TASP1: variants seen among roughly 807,000 people sequenced by gnomAD.
The protein encoded by TASP1 is threonine aspartase 1.
In TASP1, 16 loss-of-function variants were observed where a neutral mutation model predicts 56.6. The observed-to-expected ratio is 0.28, with a 90% confidence interval of 0.19 to 0.43. The LOEUF (loss-of-function observed/expected upper bound fraction) is 0.43, where lower values mean the gene tolerates loss of function less well. Ranked by LOEUF, TASP1 falls within the 20% of genes least tolerant of loss-of-function variation. TASP1 has a pLI of 1.00. For missense variants in TASP1, 393 were observed against 511.6 expected, an observed-to-expected ratio of 0.77 and a Z score of 2.24; for synonymous variants, 179 against 184.2, an observed-to-expected ratio of 0.97 and a Z score of 0.23.
intron 11 of TASP1, among the ~76,000 whole-genome samples, chr20:13,481,393 A>G (rs968794860): frequency 1.3e-5 from 2 of 152,100 alleles, no homozygotes; most frequent in Non-Finnish European, 2.9e-5. Context: ...GGGAGTGCAA[A>G]TATCTCTTCA....
At chr20:13,124,433 G>A in the TASP1 span, among the ~76,000 whole-genome samples, 564 of 151,908 alleles carry the variant, frequency 3.7e-3, 7 homozygotes, top group African/African-American at 0.012. Flanking sequence ...TAAAGAATTT[G>A]AAATGAAAAG....
the TASP1 span, among the ~76,000 whole-genome samples, chr20:13,361,037 G>A: frequency 5.3e-5 from 8 of 151,564 alleles, no homozygotes; most frequent in South Asian, 4.2e-4. Context: ...CCTTTCCATC[G>A]TGGAAATCTA....
chr20:13,494,159 T>A (rs1257797107), intron 10 of TASP1, among the ~76,000 whole-genome samples: 3 of 152,238 alleles, frequency 2.0e-5, no homozygotes, highest in Non-Finnish European at 4.4e-5. Flanking sequence ...ATCTTCTATC[T>A]GGATTCCTGT....
the TASP1 span, chr20:13,126,482 G>A: frequency 7.8e-7 from 1 of 1,275,536 alleles, no homozygotes; most frequent in Admixed American, 2.5e-5. Context: ...TTTTGAGCAT[G>A]AGATCAAATG....
chr20:13,581,280 TA>T (rs1183405519), intron 5 of TASP1, among the ~76,000 whole-genome samples: 1 of 152,208 alleles, frequency 6.6e-6, no homozygotes, highest in African/African-American at 2.4e-5. Flanking sequence ...GGTTCCTTTT[TA>T]ATAGATTTCA....
intron 10 of TASP1, among the ~76,000 whole-genome samples, chr20:13,499,483 AAG>A (rs1266778766): frequency 1.3e-5 from 2 of 151,908 alleles, no homozygotes; most frequent in Non-Finnish European, 2.9e-5. Flanking sequence ...AAAAGAAAGA[AAG>A]AGAAAAGAAA....
the TASP1 span, among the ~76,000 whole-genome samples, chr20:13,281,740 T>A: frequency 6.6e-6 from 1 of 152,164 alleles, no homozygotes. Context: ...TCAGCGCCAC[T>A]GAGTGAGAGA....
At chr20:13,241,631 T>C in the TASP1 span, among the ~76,000 whole-genome samples, 136 of 152,106 alleles carry the variant, frequency 8.9e-4, 1 homozygote, top group African/African-American at 3.2e-3. Flanking sequence ...ATCAGTGAAA[T>C]ATGAAGTGAG....
intron 11 of TASP1, among the ~76,000 whole-genome samples, chr20:13,439,533 C>T (rs1371252075): frequency 6.6e-6 from 1 of 152,090 alleles, no homozygotes; most frequent in East Asian, 1.9e-4. Context: ...GGAGGGATAG[C>T]ATTTGGAGAT....
At chr20:13,285,323 A>AT in the TASP1 span, among the ~76,000 whole-genome samples, 3 of 151,848 alleles carry the variant, frequency 2.0e-5, no homozygotes, top group Non-Finnish European at 4.4e-5. Flanking sequence ...GGAAAAAAAA[A>AT]GCCAACCGCA....
At chr20:13,164,843 G>T in the TASP1 span, 1 of 1,613,464 alleles carries the variant, frequency 6.2e-7, no homozygotes, top group Non-Finnish European at 8.5e-7. Context: ...TCTATGATGA[G>T]ACGAGCTTTG....
chr20:13,345,895 C>T, the TASP1 span, among the ~76,000 whole-genome samples: 1 of 133,888 alleles, frequency 7.5e-6, no homozygotes, highest in Non-Finnish European at 1.6e-5. Flanking sequence ...GGTGATAACA[C>T]TTAGCTTCCT....
the TASP1 span, among the ~76,000 whole-genome samples, chr20:13,311,865 A>G: frequency 6.6e-6 from 1 of 152,206 alleles, no homozygotes; most frequent in African/African-American, 2.4e-5. Flanking sequence ...CTGGAGATTT[A>G]TTGTACAGCA....
intron 10 of TASP1, among the ~76,000 whole-genome samples, chr20:13,515,380 A>T (rs1313179615): frequency 6.6e-6 from 1 of 151,994 alleles, no homozygotes; most frequent in Non-Finnish European, 1.5e-5. Context: ...GTTGCACAGC[A>T]CCACTTTGTC....
chr20:13,396,461 G>A (rs766978752), intron 13 of TASP1, among the ~76,000 whole-genome samples: 1 of 152,248 alleles, frequency 6.6e-6, no homozygotes, highest in Non-Finnish European at 1.5e-5. Context: ...GAAAAGATCT[G>A]GGTGCCCACT....
chr20:13,539,442 C>T (rs537789053), intron 8 of TASP1, among the ~76,000 whole-genome samples: 1 of 152,228 alleles, frequency 6.6e-6, no homozygotes, highest in African/African-American at 2.4e-5. Context: ...CTGAGCTACT[C>T]AGGAGGCTGA....
At chr20:13,448,761 C>A (rs1301381539) in intron 11 of TASP1, among the ~76,000 whole-genome samples, 3 of 151,996 alleles carry the variant, frequency 2.0e-5, no homozygotes, top group African/African-American at 7.2e-5. Flanking sequence ...AGTTCTTACT[C>A]TGCTATCTAT....
intron 13 of TASP1, 99 bp downstream of exon 13, chr20:13,417,349 A>C (rs1165494678): frequency 2.3e-6 from 3 of 1,317,912 alleles, no homozygotes; most frequent in Non-Finnish European, 3.2e-6. Context: ...GCTACTGCCC[A>C]AAAAAAGCTG....
chr20:13,200,576 C>T, the TASP1 span, among the ~76,000 whole-genome samples: 6 of 152,334 alleles, frequency 3.9e-5, no homozygotes, highest in South Asian at 1.0e-3. Context: ...GGAAAAAGCA[C>T]TGCCTTTAAA....
Sources: gnomAD v4.1 joint callset for allele counts (sites outside exome capture counted in the v4.1 genomes callset) on GRCh38, gnomAD v4.1.1 for gene constraint, MANE v1.5 for transcripts, NCBI Gene and HGNC (gene_info 2026-07-23, HGNC 2026-07-21) for gene names.